The following WDFY4 variants were observed in gnomAD, a reference collection of about 807,000 sequenced individuals.
WDFY4 encodes WD repeat- and FYVE domain-containing protein 4.
Under a neutral mutation model 351.9 loss-of-function variants are expected in WDFY4, and 169 were observed. The ratio of observed to expected loss-of-function variants is 0.48; its 90% CI spans 0.42 to 0.55. The LOEUF (loss-of-function observed/expected upper bound fraction) is 0.55. Ranked by LOEUF, WDFY4 falls within the 20% of genes least tolerant of loss-of-function variation. The probability of loss-of-function intolerance (pLI) is 0.00; values close to 1 mark genes in which losing one functional copy is unlikely to be tolerated. For synonymous variants in WDFY4, 1,622 were observed against 1,574.6 expected (o/e 1.03, Z -0.71); for missense variants, 3,803 against 3,935.6 (o/e 0.97, Z 0.90).
chr10:48,955,957 A>T (rs565664939), intron 51 of WDFY4, among the ~76,000 whole-genome samples: 4 of 152,198 alleles, frequency 2.6e-5, no homozygotes, highest in Non-Finnish European at 5.9e-5. Context: ...TGATGAGGAC[A>T]AGTGAACTAT....
intron 52 of WDFY4, among the ~76,000 whole-genome samples, chr10:48,959,502 G>A (rs1338498085): frequency 6.6e-6 from 1 of 152,216 alleles, no homozygotes; most frequent in African/African-American, 2.4e-5. Flanking sequence ...AGCACTGCCT[G>A]GGAAGCAAGG....
intron 9 of WDFY4, among the ~76,000 whole-genome samples, chr10:48,731,951 T>C (rs2064475710): frequency 1.3e-5 from 2 of 152,190 alleles, no homozygotes; most frequent in African/African-American, 4.8e-5. Context: ...CTCACTCTGT[T>C]CACTTTGCAC....
chr10:48,847,955 TTGTTTGTC>T (rs1473352411), intron 39 of WDFY4, among the ~76,000 whole-genome samples: 3,086 of 152,280 alleles, frequency 0.02, 117 homozygotes, highest in African/African-American at 0.07. Context: ...GGAGCGCCAG[TTGTTTGTC>T]ATTATAGCTG....
intron 39 of WDFY4, among the ~76,000 whole-genome samples, chr10:48,843,885 G>A (rs1457560000): frequency 6.7e-6 from 1 of 149,016 alleles, no homozygotes; most frequent in Non-Finnish European, 1.5e-5. Flanking sequence ...TCTAAATTAA[G>A]TGTTTTCAAA....
At position 48,787,807 on chromosome 10, in the gene WDFY4, C is replaced by CTCTTCTTCTTCT. The variant is rs1555010319; in HGVS notation, c.3809-682_3809-671dup. On this transcript the variant is annotated intron_variant, in intron 20 of 61. Transcript: ENST00000325239. ...CCTCTTCCTCCTCCTCCTCCTCCTC[C>CTCTTCTTCTTCT]TCTTCTTCTTCTTCTTCTTCTTCTT... Among the ~76,000 whole-genome samples the CTCTTCTTCTTCT allele has an allele frequency of 4.3e-4, 33 of 76,740 alleles. 2 individuals carry two copies. Among genetic ancestry groups the CTCTTCTTCTTCT allele is most frequent in the South Asian group, 1.5e-3 (3 of 2,016 alleles). The allele number at this position is 76,740 out of a possible 152,430, so 50.3% of individuals were successfully genotyped here.
In WDFY4 at chr10:48,774,597, G is replaced by T. The variant is rs1340819421; in HGVS notation, c.2693G>T (p.Gly898Val). The change falls in exon 14 of 62, where the codon GGC becomes GTC. Residue 898 changes from glycine (G) to valine (V), a missense_variant. Gly to Val is a moderately radical substitution (Grantham distance 109). Around this residue, in one of 3 missense-constraint regions of WDFY4, gnomAD observed 3,054 missense variants for 3,148.6 expected, o/e 0.97. Transcript: ENST00000325239. ...TGCCACAGGGCCCTGGTCACCAGTG[G>T]CAGCCCCCTCCACTCACGCCTCATC... ...ASCHRALVTS[G>V]SPLHSRLIRI... 1.9e-6 allele frequency: 3 copies of T among 1,551,628 alleles called. No homozygotes were observed. The highest frequency in any genetic ancestry group is 1.7e-4 in the Middle Eastern group (1 of 6,014).
At chr10:48,932,517 C>T (rs1840075942) in intron 47 of WDFY4, 1 of 152,178 alleles carries the variant, frequency 6.6e-6, no homozygotes. Flanking sequence ...ACAGTTCAGT[C>T]TCCTCATTCA....
chr10:48,976,954 C>A lies in WDFY4; in HGVS notation c.9266C>A (p.Thr3089Asn). 6.7e-7 allele frequency: 1 copy of A among 1,491,982 alleles called. No individual in the cohort carries two copies. 92.4% of individuals were successfully genotyped at this position (1,491,982 alleles called of 1,614,324 possible). A position where few individuals can be genotyped will look rare whatever the true frequency, so the allele number is the denominator to read the frequency against. The change falls in exon 59 of 62, where the codon ACC becomes AAC. Residue 3089 changes from threonine to asparagine, a missense_variant. Thr to Asn is a moderately conservative substitution (Grantham distance 65). Coordinates refer to ENST00000325239, the MANE Select transcript of WDFY4 (RefSeq NM_001394531.1). Reference sequence around the variant, plus strand: ...TGGGACACAAGCCAGATCATCATCACCGGGAGTCAAGACGGCATGGTCCGG... The same window carrying A: ...TGGGACACAAGCCAGATCATCATCAACGGGAGTCAAGACGGCATGGTCCGG... The part of the protein sequence containing the change: ...PAWDTSQIII[T>N]GSQDGMVRVW...
chr10:48,894,602 C>T (rs1173321665), intron 44 of WDFY4, among the ~76,000 whole-genome samples: 1 of 152,228 alleles, frequency 6.6e-6, no homozygotes, highest in South Asian at 2.1e-4. Flanking sequence ...GAGAGCATGA[C>T]AGTCACTTAG....
At chr10:48,805,616 A>T (rs1013060988) in intron 26 of WDFY4, among the ~76,000 whole-genome samples, 195 bp downstream of exon 26, 9 of 152,210 alleles carry the variant, frequency 5.9e-5, no homozygotes, top group Non-Finnish European at 1.3e-4. Context: ...TTTCCCCAGC[A>T]GGGCTGTGTG....
chr10:48,893,284 A>G (rs968241542), intron 44 of WDFY4, among the ~76,000 whole-genome samples: 11 of 152,142 alleles, frequency 7.2e-5, no homozygotes, highest in African/African-American at 2.7e-4. Flanking sequence ...ACCCATCCCA[A>G]TGGCTTCATT....
intron 47 of WDFY4, among the ~76,000 whole-genome samples, chr10:48,924,683 T>G (rs1412808060): frequency 6.6e-6 from 1 of 152,254 alleles, no homozygotes; most frequent in Non-Finnish European, 1.5e-5. Context: ...TAATTAATTT[T>G]TTCTCTTTAG....
intron 11 of WDFY4, among the ~76,000 whole-genome samples, chr10:48,736,988 A>G (rs1325608800): frequency 4.6e-5 from 7 of 152,268 alleles, no homozygotes; most frequent in Admixed American, 4.6e-4. Flanking sequence ...ATAGTTAAAT[A>G]CATATAACAA....
intron 23 of WDFY4, 139 bp from the exon 24 acceptor site, chr10:48,796,159 T>C: frequency 9.3e-7 from 1 of 1,072,248 alleles, no homozygotes; most frequent in Middle Eastern, 2.2e-4. Context: ...TTGATGTGTA[T>C]TTTTCTTCTG....
intron 11 of WDFY4, among the ~76,000 whole-genome samples, chr10:48,740,536 A>G (rs2064818972): frequency 6.6e-6 from 1 of 152,104 alleles, no homozygotes; most frequent in Non-Finnish European, 1.5e-5. Flanking sequence ...ATGAGCTTTC[A>G]CTTATGCACA....
chr10:48,801,386 T>C (rs1589645390), intron 24 of WDFY4: 4 of 399,814 alleles, frequency 1.0e-5, no homozygotes, highest in Admixed American at 5.6e-5. Context: ...TACTGGTGGG[T>C]TCACATCTGA....
At chr10:48,816,925 C>G (rs1384697585) in intron 31 of WDFY4, among the ~76,000 whole-genome samples, 1 of 152,032 alleles carries the variant, frequency 6.6e-6, no homozygotes, top group East Asian at 1.9e-4. Flanking sequence ...CATCATCTAC[C>G]CAATACAGTA....
Position 48,736,940 on chromosome 10 carries a change from G to A in WDFY4, c.1878+870G>A, listed in dbSNP as rs115707110. On this transcript the variant is annotated intron_variant, in intron 11 of 61. Transcript: ENST00000325239. ...GGGCAACAGAGATATAAGTGTATGT[G>A]TTTGTAATATTGTTAACATTCATCA... Among the ~76,000 whole-genome samples the A allele has an allele frequency of 3.1e-3, 467 of 152,296 alleles. 4 individuals carry two copies. Among genetic ancestry groups the A allele is most frequent in the African/African-American group, 0.011 (444 of 41,558 alleles).
intron 27 of WDFY4, among the ~76,000 whole-genome samples, 174 bp from the exon 28 acceptor site, chr10:48,807,685 T>C (rs1427421416): frequency 6.6e-6 from 1 of 152,260 alleles, no homozygotes; most frequent in East Asian, 1.9e-4. Context: ...TAACATTTTC[T>C]GAAATTCTTT....
Sources: gnomAD v4.1 joint callset for allele counts (sites outside exome capture counted in the v4.1 genomes callset) on GRCh38, gnomAD v4.1.1 for gene constraint, gnomAD v4.1.1 regional missense constraint, MANE v1.5 for transcripts, NCBI Gene and HGNC (gene_info 2026-07-23, HGNC 2026-07-21) for gene names.